The following RELN variants were observed in gnomAD, a reference collection of about 807,000 sequenced individuals.
RELN encodes the protein reelin.
RELN carries 108 observed loss-of-function variants against 427.6 expected under a neutral mutation model. The observed-to-expected ratio is 0.25, with a 90% CI of 0.22 to 0.30. The LOEUF is 0.30. Ranked by LOEUF, RELN falls within the 10% of genes least tolerant of loss-of-function variation. The probability of loss-of-function intolerance (pLI) is 1.00; values close to 1 mark genes in which losing one functional copy is unlikely to be tolerated. For missense variants in RELN, 3,715 were observed against 4,302.8 expected, an observed-to-expected ratio of 0.86 and a Z score of 3.82; for synonymous variants, 1,524 against 1,513.4, an observed-to-expected ratio of 1.01 and a Z score of -0.16.
intron 42 of RELN, among the ~76,000 whole-genome samples, chr7:103,544,679 G>T (rs756259072): frequency 6.6e-6 from 1 of 151,514 alleles, no homozygotes; most frequent in Admixed American, 6.6e-5. Flanking sequence ...TTACTATGTT[G>T]TAACATTGTC....
Position 103,561,843 on chromosome 7 carries a change from C to T in RELN, c.5321G>A (p.Gly1774Glu), listed in dbSNP as rs773341210. 3 of 1,613,870 alleles carry T rather than the reference C, an allele frequency of 1.9e-6. No homozygotes were observed. Among genetic ancestry groups the T allele is most frequent in the Non-Finnish European group, 2.5e-6 (3 of 1,179,946 alleles). ...GCGTCCAGCATCACAAATCCCTCGT[C>T]CTGAGCACATCCAAGGGCACCCTGA... The part of the protein sequence containing the change: ...LASGCPWMCS[G>E]RGICDAGRCV... The change falls in exon 35 of 65, where the codon GGA becomes GAA. Residue 1774 changes from glycine to glutamate, a missense_variant. By Grantham distance (98) the Gly-to-Glu change is moderately conservative. Around this residue, in one of 4 missense-constraint regions of RELN, gnomAD observed 2,208 missense variants for 2,361.7 expected, o/e 0.93. Coordinates refer to ENST00000428762, the MANE Select transcript of RELN (RefSeq NM_005045.4).
chr7:103,555,206 C>T (rs971091086), intron 38 of RELN, among the ~76,000 whole-genome samples: 3 of 152,060 alleles, frequency 2.0e-5, no homozygotes, highest in Non-Finnish European at 4.4e-5. Flanking sequence ...ACTGTTTGGA[C>T]TGACCTTGAA....
intron 38 of RELN, among the ~76,000 whole-genome samples, chr7:103,554,159 C>T (rs1234671802): frequency 6.6e-6 from 1 of 151,612 alleles, no homozygotes; most frequent in Non-Finnish European, 1.5e-5. Flanking sequence ...TGCACTCCAG[C>T]CTGGGCAACA....
chr7:103,762,018 A>G (rs529530314), intron 4 of RELN, among the ~76,000 whole-genome samples: 17 of 152,336 alleles, frequency 1.1e-4, no homozygotes, highest in African/African-American at 4.1e-4. Context: ...AGAAATTGCT[A>G]GAGATTTTCC....
intron 64 of RELN, among the ~76,000 whole-genome samples, chr7:103,477,861 T>G (rs1347214950): frequency 6.6e-6 from 1 of 152,240 alleles, no homozygotes; most frequent in Non-Finnish European, 1.5e-5. Flanking sequence ...CTAGAACTCC[T>G]AAGTATTATG....
intron 64 of RELN, among the ~76,000 whole-genome samples, chr7:103,477,634 A>G (rs1245251566): frequency 6.6e-6 from 1 of 152,266 alleles, no homozygotes; most frequent in Non-Finnish European, 1.5e-5. Context: ...CATCTCACAC[A>G]TACTGAAGAT....
chr7:103,678,949 G>A (rs1293707515), intron 11 of RELN, among the ~76,000 whole-genome samples: 1 of 152,150 alleles, frequency 6.6e-6, no homozygotes, highest in East Asian at 1.9e-4. Flanking sequence ...TAACTGAGCA[G>A]AGAAAACAGA....
At chr7:103,768,078 T>C (rs191863279) in intron 4 of RELN, among the ~76,000 whole-genome samples, 84 of 152,230 alleles carry the variant, frequency 5.5e-4, no homozygotes, top group African/African-American at 2.0e-3. Context: ...GCTCTGTTTA[T>C]TGGCATATTC....
intron 1 of RELN, among the ~76,000 whole-genome samples, chr7:103,951,213 C>A (rs752445743): frequency 5.3e-5 from 8 of 152,186 alleles, no homozygotes; most frequent in Non-Finnish European, 1.0e-4. Flanking sequence ...CCACTTGCAC[C>A]AACTGCTTTA....
chr7:103,927,082 T>C (rs892622790), intron 1 of RELN, among the ~76,000 whole-genome samples: 1 of 152,210 alleles, frequency 6.6e-6, no homozygotes, highest in Non-Finnish European at 1.5e-5. Flanking sequence ...ATATTATATA[T>C]GGCATACAAA....
intron 40 of RELN, 67 bp from the exon 41 acceptor site, chr7:103,551,363 T>A: frequency 9.2e-7 from 1 of 1,087,814 alleles, no homozygotes; most frequent in Non-Finnish European, 1.4e-6. Flanking sequence ...GATTCACCAC[T>A]TCATTATTTT....
chr7:103,522,664 C>T (rs1274886726), intron 47 of RELN, among the ~76,000 whole-genome samples: 1 of 152,156 alleles, frequency 6.6e-6, no homozygotes, highest in African/African-American at 2.4e-5. Context: ...AGACTGACTT[C>T]CCTGTTTAGG....
At chr7:103,726,984 A>G (rs1790228025) in intron 7 of RELN, among the ~76,000 whole-genome samples, 1 of 152,178 alleles carries the variant, frequency 6.6e-6, no homozygotes, top group Non-Finnish European at 1.5e-5. Context: ...TCCTCAATTT[A>G]TCAATGCTCT....
intron 8 of RELN, among the ~76,000 whole-genome samples, chr7:103,709,101 A>T (rs1789723408): frequency 6.6e-6 from 1 of 152,156 alleles, no homozygotes; most frequent in Admixed American, 6.5e-5. Context: ...AACTCCAGGA[A>T]GAGTGTCTTT....
chr7:103,637,876 T>G (rs1832616586), intron 17 of RELN, among the ~76,000 whole-genome samples: 1 of 152,178 alleles, frequency 6.6e-6, no homozygotes, highest in African/African-American at 2.4e-5. Flanking sequence ...AGAGTGCATT[T>G]TAGGGCAATT....
intron 12 of RELN, among the ~76,000 whole-genome samples, chr7:103,660,585 A>G (rs1281945448): frequency 6.6e-6 from 1 of 152,232 alleles, no homozygotes; most frequent in African/African-American, 2.4e-5. Flanking sequence ...AGTTAGACTC[A>G]GGAGATCTGT....
Position 103,551,223 on chromosome 7 carries a change from G to T in RELN, c.6146C>A (p.Ala2049Glu), listed in dbSNP as rs374232523. ...VRLEFSRDFGATWHLLLPLCY... is the reference protein window; with the variant it reads ...VRLEFSRDFGETWHLLLPLCY... The stretch of plus-strand genomic sequence containing the variant: ...GAGGGGCAGCAGAAGGTGCCAGGTC[G>T]CCCCGAAGTCCCTTGAAAATTCCAG... The change falls in exon 41 of 65, where the codon GCG becomes GAG. Residue 2049 changes from alanine to glutamate, a missense_variant. By Grantham distance (107) the Ala-to-Glu change is moderately radical (BLOSUM62 -1). Coordinates refer to ENST00000428762, the MANE Select transcript of RELN (RefSeq NM_005045.4). The T allele has an allele frequency of 1.3e-5, 21 of 1,613,932 alleles. No individual in the cohort carries two copies. The highest frequency in any genetic ancestry group is 1.6e-4 in the Middle Eastern group (1 of 6,084).
chr7:103,755,452 C>CA (rs1415292296), intron 4 of RELN, among the ~76,000 whole-genome samples: 1 of 151,656 alleles, frequency 6.6e-6, no homozygotes. Context: ...ACTAAAAATA[C>CA]AAAAAATTAG....
chr7:103,708,408 A>C (rs1789687682), intron 8 of RELN, among the ~76,000 whole-genome samples: 1 of 151,432 alleles, frequency 6.6e-6, no homozygotes, highest in Non-Finnish European at 1.5e-5. Context: ...ACATCATTTA[A>C]TACTGACATT....
Sources: gnomAD v4.1 joint callset for allele counts (sites outside exome capture counted in the v4.1 genomes callset) on GRCh38, gnomAD v4.1.1 for gene constraint, gnomAD v4.1.1 regional missense constraint, MANE v1.5 for transcripts, NCBI Gene and HGNC (gene_info 2026-07-23, HGNC 2026-07-21) for gene names.